Variants in ZC2HC1B observed in about 807,000 individuals in gnomAD.
The protein encoded by ZC2HC1B is zinc finger C2HC-type containing 1B.
Under a neutral mutation model 31.0 loss-of-function variants are expected in ZC2HC1B, and 36 were observed. The observed-to-expected ratio is 1.16, with a 90% CI of 0.89 to 1.54. The LOEUF (loss-of-function observed/expected upper bound fraction) is 1.54. ZC2HC1B is among the 40% of genes most tolerant of loss of function. ZC2HC1B has a pLI of 0.00. For synonymous variants in ZC2HC1B, 73 were observed against 88.0 expected, an observed-to-expected ratio of 0.83 and a Z score of 0.95; for missense variants, 260 against 268.6, an observed-to-expected ratio of 0.97 and a Z score of 0.22.
intron 6 of ZC2HC1B, among the ~76,000 whole-genome samples, chr6:143,930,109 T>C (rs1024577409): frequency 6.6e-6 from 1 of 151,540 alleles, no homozygotes. Context: ...GCTCTGAGCT[T>C]TGTCATTTCT....
At position 143,909,873 on chromosome 6, in the gene ZC2HC1B, A is replaced by AT. The variant is rs771962890; in HGVS notation, c.598+6727dup. 2.4e-4 allele frequency among the ~76,000 whole-genome samples: 37 copies of AT among 152,024 alleles called. 1 individual carries two copies. The highest frequency in any genetic ancestry group is 6.5e-4 in the African/African-American group (27 of 41,458). Reference sequence around the variant, plus strand: ...AAAAAAGCAGTTATTGGATTCATTGATTTTTTGAAGGGTTTTGTTTTGTTT... The same window carrying AT: ...AAAAAAGCAGTTATTGGATTCATTGATTTTTTTGAAGGGTTTTGTTTTGTTT... On this transcript the variant is annotated intron_variant, in intron 6 of 7. Transcript: ENST00000237275.
At position 143,900,390 on chromosome 6, in the gene ZC2HC1B, C is replaced by CAA. The variant is rs200482247; in HGVS notation, c.489+1713_489+1714dup. On this transcript the variant is annotated intron_variant, in intron 5 of 7. Transcript: ENST00000237275. ...GGGCAACAAGAGCAAAACTCCGTCTCAAAAAAAAAAAAAAAGAAAAAGAAA... is the reference window on the plus strand; with the variant it reads ...GGGCAACAAGAGCAAAACTCCGTCTCAAAAAAAAAAAAAAAAAGAAAAAGAAA... 7.1e-4 allele frequency among the ~76,000 whole-genome samples: 60 copies of CAA among 84,340 alleles called. 1 individual carries two copies. Among genetic ancestry groups the CAA allele is most frequent in the East Asian group, 1.3e-3 (5 of 3,846 alleles). 55.3% of individuals were successfully genotyped at this position (84,340 alleles called of 152,430 possible). A position where few individuals can be genotyped will look rare whatever the true frequency, so the allele number is the denominator to read the frequency against.
intron 1 of ZC2HC1B, among the ~76,000 whole-genome samples, chr6:143,882,705 CCTTTA>C (rs1290689459): frequency 6.6e-6 from 1 of 152,044 alleles, no homozygotes; most frequent in African/African-American, 2.4e-5. Flanking sequence ...CAATATCATG[CCTTTA>C]CTTCATTTCT....
intron 1 of ZC2HC1B, among the ~76,000 whole-genome samples, chr6:143,877,970 A>C (rs997498698): frequency 4.0e-5 from 6 of 150,830 alleles, no homozygotes; most frequent in Non-Finnish European, 8.9e-5. Flanking sequence ...CATGAAATTA[A>C]TCACTAGATT....
chr6:143,887,133 G>A lies in ZC2HC1B; in HGVS notation c.349+312G>A, dbSNP rs1029870180. On this transcript the variant is annotated intron_variant, in intron 4 of 7. Transcript: ENST00000237275. The surrounding 1 kb of genome is among the most constrained non-coding windows in gnomAD (Gnocchi z 5.1). The stretch of plus-strand genomic sequence containing the variant: ...TAACCAACTCTGCAACAGCCCCATC[G>A]TGTCAGATACCCACAGCAATTTTTT... Among the ~76,000 whole-genome samples the A allele has an allele frequency of 9.2e-5, 14 of 152,116 alleles. 1 individual carries two copies. The highest frequency in any genetic ancestry group is 1.3e-4 in the Non-Finnish European group (9 of 68,012).
chr6:143,915,178 A>G lies in ZC2HC1B; in HGVS notation c.598+12026A>G, dbSNP rs1232050676. Among the ~76,000 whole-genome samples, 1 of 152,112 alleles carries G rather than the reference A, an allele frequency of 6.6e-6. No individual in the cohort carries two copies. The highest frequency in any genetic ancestry group is 1.5e-5 in the Non-Finnish European group (1 of 68,010). ...TGGGAAGTAATTGAATCATGGGGGC[A>G]AGTCTTCCCTGTGCTATTCTTATGA... On this transcript the variant is annotated intron_variant, in intron 6 of 7. Transcript: ENST00000237275. The surrounding 1 kb of genome is among the most constrained non-coding windows in gnomAD (Gnocchi z 5.2).
chr6:143,916,811 A>G (rs962910335), intron 6 of ZC2HC1B, among the ~76,000 whole-genome samples: 3 of 152,184 alleles, frequency 2.0e-5, no homozygotes, highest in Admixed American at 6.5e-5. Flanking sequence ...CCCCCATTGT[A>G]TCTAGGAAGT....
chr6:143,908,895 A>G lies in ZC2HC1B; in HGVS notation c.598+5743A>G, dbSNP rs1293104457. Reference sequence around the variant, plus strand: ...ATCTTCCAGCTTTTGCCGAATCAGTATGATATTGGCTGTGGGTTTGTCATA... The same window carrying G: ...ATCTTCCAGCTTTTGCCGAATCAGTGTGATATTGGCTGTGGGTTTGTCATA... On this transcript the variant is annotated intron_variant, in intron 6 of 7. Transcript: ENST00000237275. The surrounding 1 kb of genome is among the most constrained non-coding windows in gnomAD (Gnocchi z 4.4). Among the ~76,000 whole-genome samples, 1 of 152,178 alleles carries G rather than the reference A, an allele frequency of 6.6e-6. No homozygotes were observed. The highest frequency in any genetic ancestry group is 2.4e-5 in the African/African-American group (1 of 41,432).
chr6:143,900,949 C>T (rs576074386), intron 5 of ZC2HC1B, among the ~76,000 whole-genome samples: 9 of 150,554 alleles, frequency 6.0e-5, no homozygotes, highest in South Asian at 4.2e-4. Flanking sequence ...AGCGATTCTC[C>T]GGCCTCAGCC....
At chr6:143,900,149 G>T (rs187141244) in intron 5 of ZC2HC1B, among the ~76,000 whole-genome samples, 2 of 152,160 alleles carry the variant, frequency 1.3e-5, no homozygotes, top group African/African-American at 2.4e-5. Flanking sequence ...CAGCACTTTG[G>T]GGGGCTGAAG....
intron 1 of ZC2HC1B, among the ~76,000 whole-genome samples, chr6:143,879,096 T>G (rs1404266576): frequency 2.0e-5 from 3 of 152,146 alleles, no homozygotes; most frequent in Non-Finnish European, 2.9e-5. Context: ...ATTTTGACAG[T>G]CTCTTCCTCC....
intron 6 of ZC2HC1B, among the ~76,000 whole-genome samples, chr6:143,912,125 T>G: frequency 6.6e-6 from 1 of 152,250 alleles, no homozygotes; most frequent in Admixed American, 6.5e-5. Flanking sequence ...AGATTAGTTA[T>G]GTTTCTCTTT....
In ZC2HC1B at chr6:143,882,332, T is replaced by TATA. The variant is rs1554237224; in HGVS notation, c.29-1972_29-1971insATA. 3.8e-3 allele frequency among the ~76,000 whole-genome samples: 255 copies of TATA among 67,346 alleles called. 1 individual carries two copies. The highest frequency in any genetic ancestry group is 8.8e-3 in the African/African-American group (112 of 12,708). The allele number at this position is 67,346 out of a possible 152,430, so 44.2% of individuals were successfully genotyped here. On this transcript the variant is annotated intron_variant, in intron 1 of 7. Coordinates refer to ENST00000237275, the MANE Select transcript of ZC2HC1B (RefSeq NM_001013623.3). The stretch of plus-strand genomic sequence containing the variant: ...AAAATATGTATACATATTTTATATT[T>TATA]TTTATATATATATATATATATATAT...
rs1333479416 is a variant in ZC2HC1B at position 143,874,187 on chromosome 6, A to T, written c.28+9620A>T. Among the ~76,000 whole-genome samples the T allele has an allele frequency of 2.0e-5, 3 of 151,806 alleles. No individual in the cohort carries two copies. In the East Asian group the frequency reaches 5.8e-4, roughly 29 times the overall value. ...AATGCCATCAGTCTCTTTGATAAAA[A>T]ATAACAAGAGTCACCCTTGCTTCAG... On this transcript the variant is annotated intron_variant, in intron 1 of 7. Coordinates refer to ENST00000237275, the MANE Select transcript of ZC2HC1B (RefSeq NM_001013623.3).
chr6:143,882,912 T>C (rs1777486672), intron 1 of ZC2HC1B, among the ~76,000 whole-genome samples: 1 of 152,196 alleles, frequency 6.6e-6, no homozygotes, highest in Non-Finnish European at 1.5e-5. Context: ...AAACGTAGAA[T>C]AGTCCTCAAG....
rs1458297955 is a variant in ZC2HC1B at position 143,898,869 on chromosome 6, T to G, written c.489+178T>G. ...CTTTTGCAGGAGAATGCTTTCCAGC[T>G]AAGGCACCTTTGGGTGTTGTAGAAA... On this transcript the variant is annotated intron_variant, in intron 5 of 7. Transcript: ENST00000237275. Among the ~76,000 whole-genome samples the G allele has an allele frequency of 2.0e-5, 3 of 152,230 alleles. No individual in the cohort carries two copies. In the South Asian group the frequency reaches 6.2e-4, roughly 32 times the overall value.
In ZC2HC1B at chr6:143,903,337, A is replaced by G. The variant is rs1456368334; in HGVS notation, c.598+185A>G. Among the ~76,000 whole-genome samples the G allele has an allele frequency of 6.6e-6, 1 of 152,234 alleles. No homozygotes were observed. The highest frequency in any genetic ancestry group is 1.5e-5 in the Non-Finnish European group (1 of 68,040). Reference sequence around the variant, plus strand: ...AGGGAATATTTCTTAATTTATCAGGATTACACAACTTTCACAATGTACAAG... The same window carrying G: ...AGGGAATATTTCTTAATTTATCAGGGTTACACAACTTTCACAATGTACAAG... On this transcript the variant is annotated intron_variant, in intron 6 of 7. Transcript: ENST00000237275. This position sits in a 1 kb window ranked among gnomAD's most constrained non-coding sequence, Gnocchi z 4.3.
At position 143,884,345 on chromosome 6, in the gene ZC2HC1B, C is replaced by G; in HGVS notation, c.70C>G (p.Arg24Gly). 6.5e-7 allele frequency: 1 copy of G among 1,533,412 alleles called. No individual in the cohort carries two copies. The highest frequency in any genetic ancestry group is 1.2e-5 in the South Asian group (1 of 81,846). 95.0% of individuals were successfully genotyped at this position (1,533,412 alleles called of 1,614,324 possible). A position where few individuals can be genotyped will look rare whatever the true frequency, so the allele number is the denominator to read the frequency against. Reference sequence around the variant, plus strand: ...GTTTCCCTGTGAAGTCTGTGGAAGACGTTTTGCAGCAGATGTTCTGGTAAA... The same window carrying G: ...GTTTCCCTGTGAAGTCTGTGGAAGAGGTTTTGCAGCAGATGTTCTGGTAAA... ...ELFPCEVCGR[R>G]FAADVLERHG... Residue 24 changes from arginine to glycine, a missense_variant, in exon 2 of 8, where the codon CGT (arginine) becomes GGT (glycine). By Grantham distance (125) the Arg-to-Gly change is moderately radical. Coordinates refer to ENST00000237275, the MANE Select transcript of ZC2HC1B (RefSeq NM_001013623.3). The surrounding 1 kb of genome is among the most constrained non-coding windows in gnomAD (Gnocchi z 5.1).
intron 1 of ZC2HC1B, among the ~76,000 whole-genome samples, chr6:143,880,063 G>A (rs1014066221): frequency 3.9e-5 from 6 of 152,034 alleles, no homozygotes; most frequent in Admixed American, 3.9e-4. Context: ...CTGGGCTCAA[G>A]CAATCCTCTC....
Sources: allele counts gnomAD v4.1 joint callset (sites outside exome capture counted in the v4.1 genomes callset), GRCh38; gene constraint gnomAD v4.1.1; non-coding constraint Gnocchi (gnomAD v3.1); transcripts MANE v1.5; gene names NCBI Gene and HGNC (gene_info 2026-07-23, HGNC 2026-07-21).